Variants in TTC28 observed in about 807,000 individuals in gnomAD.
The protein encoded by TTC28 is tetratricopeptide repeat protein 28.
In TTC28, 61 loss-of-function variants were observed where a neutral mutation model predicts 198.0. The ratio of observed to expected loss-of-function variants is 0.31; its 90% CI spans 0.25 to 0.38. The LOEUF is 0.38. Ranked by LOEUF, TTC28 falls within the 10% of genes least tolerant of loss-of-function variation. TTC28 has a pLI of 1.00. For synonymous variants in TTC28, 1,171 were observed against 1,297.8 expected (o/e 0.90, Z 2.10); for missense variants, 2,678 against 3,164.0 (o/e 0.85, Z 3.69).
Position 28,105,362 on chromosome 22 carries a change from G to A in TTC28, c.3224C>T (p.Ala1075Val). The stretch of plus-strand genomic sequence containing the variant: ...AAGGCTACTATATGACACCGTCTTG[G>A]CCGCCAAGTCATTCATCTGTGCAGC... ...SIAAQMNDLAAKTVSYSSLGR... is the reference protein window; with the variant it reads ...SIAAQMNDLAVKTVSYSSLGR... The change falls in exon 8 of 23, where the codon GCC (alanine) becomes GTC (valine). Residue 1075 changes from alanine (A) to valine (V), a missense_variant. Coordinates refer to ENST00000397906, the MANE Select transcript of TTC28 (RefSeq NM_001145418.2). 1 of 1,551,654 alleles carries A rather than the reference G, an allele frequency of 6.4e-7. No homozygotes were observed. The highest frequency in any genetic ancestry group is 2.0e-5 in the Admixed American group (1 of 50,994).
intron 2 of TTC28, among the ~76,000 whole-genome samples, chr22:28,363,258 G>A (rs939358972): frequency 2.6e-5 from 4 of 152,134 alleles, no homozygotes; most frequent in Non-Finnish European, 5.9e-5. Context: ...GACTAAAAGG[G>A]GCCAGAGTAC....
intron 6 of TTC28, among the ~76,000 whole-genome samples, chr22:28,140,086 G>A (rs900031522): frequency 6.6e-6 from 1 of 152,180 alleles, no homozygotes; most frequent in African/African-American, 2.4e-5. Context: ...TTGGATGTGT[G>A]AGTTCCTCCC....
At chr22:28,223,951 C>T (rs1446137057) in intron 5 of TTC28, among the ~76,000 whole-genome samples, 3 of 152,150 alleles carry the variant, frequency 2.0e-5, no homozygotes, top group African/African-American at 7.2e-5. Context: ...TTATAAAACA[C>T]TTTATATGTT....
At chr22:27,996,520 G>A (rs1246582195) in intron 16 of TTC28, 2 of 452,056 alleles carry the variant, frequency 4.4e-6, no homozygotes, top group African/African-American at 3.9e-5. Context: ...AGGAGCCGAG[G>A]GAAGTGCAGT....
chr22:28,333,866 T>A (rs924710600), intron 2 of TTC28, among the ~76,000 whole-genome samples: 1 of 152,126 alleles, frequency 6.6e-6, no homozygotes, highest in Non-Finnish European at 1.5e-5. Context: ...TATTTTTTAT[T>A]ATACTTTAAC....
At chr22:28,579,147 T>C (rs1159056121) in intron 2 of TTC28, among the ~76,000 whole-genome samples, 2 of 150,338 alleles carry the variant, frequency 1.3e-5, no homozygotes, top group Admixed American at 1.3e-4. Flanking sequence ...TATATGTATA[T>C]AGCTATACAT....
chr22:28,115,838 A>G (rs2146925782), intron 6 of TTC28, among the ~76,000 whole-genome samples: 1 of 152,328 alleles, frequency 6.6e-6, no homozygotes, highest in African/African-American at 2.4e-5. Context: ...CTTCTGTTCC[A>G]GATCCCAATT....
At chr22:28,119,311 T>C (rs1016007670) in intron 6 of TTC28, among the ~76,000 whole-genome samples, 3 of 152,224 alleles carry the variant, frequency 2.0e-5, no homozygotes, top group East Asian at 1.9e-4. Flanking sequence ...TCAATTACCA[T>C]AGTCCTCAAT....
intron 2 of TTC28, among the ~76,000 whole-genome samples, chr22:28,428,195 A>T (rs1250506774): frequency 6.6e-6 from 1 of 152,086 alleles, no homozygotes; most frequent in Non-Finnish European, 1.5e-5. Context: ...GGAGGTGAGT[A>T]TGTAGGAAAA....
intron 1 of TTC28, among the ~76,000 whole-genome samples, chr22:28,656,913 A>C (rs1006462174): frequency 1.3e-5 from 2 of 152,170 alleles, no homozygotes; most frequent in Non-Finnish European, 2.9e-5. Context: ...TAATTTAAAA[A>C]AATACAAAAA....
intron 5 of TTC28, among the ~76,000 whole-genome samples, chr22:28,268,257 G>T (rs111267594): frequency 2.0e-5 from 3 of 152,284 alleles, no homozygotes; most frequent in African/African-American, 7.2e-5. Context: ...TCTTTCCAAG[G>T]CTTCTAGAAA....
At chr22:28,320,500 TTTA>T (rs2145846604) in intron 2 of TTC28, among the ~76,000 whole-genome samples, 1 of 152,358 alleles carries the variant, frequency 6.6e-6, no homozygotes, top group Non-Finnish European at 1.5e-5. Context: ...TACTTAGTTA[TTTA>T]ATTCCTGGCT....
chr22:28,558,500 C>G (rs2049819460), intron 2 of TTC28, among the ~76,000 whole-genome samples: 1 of 151,614 alleles, frequency 6.6e-6, no homozygotes, highest in African/African-American at 2.4e-5. Context: ...ATGGTGCAAC[C>G]CTGTCTCTAC....
chr22:28,565,892 C>T (rs915500612), intron 2 of TTC28, among the ~76,000 whole-genome samples: 5 of 152,170 alleles, frequency 3.3e-5, no homozygotes, highest in African/African-American at 7.2e-5. Flanking sequence ...AATAAAGGAC[C>T]TTCCAAACAC....
chr22:28,427,786 C>T (rs1410299644), intron 2 of TTC28, among the ~76,000 whole-genome samples: 1 of 151,848 alleles, frequency 6.6e-6, no homozygotes, highest in East Asian at 1.9e-4. Context: ...AAAAAGAAGT[C>T]GAATTCAGGT....
rs562063100 is a variant in TTC28 at position 27,995,195 on chromosome 22, G to A, written c.5244+940C>T. ...GGCCCAGGAGACATGCTCACTCCCAGGCTGCATCGACGCTGCCCCCGGTCC... is the reference window on the plus strand; with the variant it reads ...GGCCCAGGAGACATGCTCACTCCCAAGCTGCATCGACGCTGCCCCCGGTCC... On this transcript the variant is annotated intron_variant, in intron 17 of 22. Coordinates refer to ENST00000397906, the MANE Select transcript of TTC28 (RefSeq NM_001145418.2). Among the ~76,000 whole-genome samples, 6 of 152,326 alleles carry A rather than the reference G, an allele frequency of 3.9e-5. No homozygotes were observed. The South Asian group carries it at 8.3e-4, about 21-fold the overall frequency.
At chr22:28,161,518 A>C (rs541052066) in intron 6 of TTC28, among the ~76,000 whole-genome samples, 5 of 152,074 alleles carry the variant, frequency 3.3e-5, no homozygotes, top group Non-Finnish European at 5.9e-5. Context: ...TCAGGGTGGC[A>C]TGCACTGCAT....
intron 5 of TTC28, among the ~76,000 whole-genome samples, chr22:28,209,201 A>T (rs1422569115): frequency 6.6e-6 from 1 of 152,168 alleles, no homozygotes; most frequent in African/African-American, 2.4e-5. Context: ...GCCGAATAGG[A>T]ACAGCTCCAG....
At chr22:28,606,633 C>T (rs1354201497) in intron 2 of TTC28, among the ~76,000 whole-genome samples, 1 of 152,110 alleles carries the variant, frequency 6.6e-6, no homozygotes, top group East Asian at 1.9e-4. Flanking sequence ...CTTTGAGTTA[C>T]TTTTGTAATT....
Sources: allele counts gnomAD v4.1 joint callset (sites outside exome capture counted in the v4.1 genomes callset), GRCh38; gene constraint gnomAD v4.1.1; transcripts MANE v1.5; gene names NCBI Gene and HGNC (gene_info 2026-07-23, HGNC 2026-07-21).